The following MOXD1 variants were observed in gnomAD, a reference collection of about 807,000 sequenced individuals.
MOXD1 encodes DBH-like monooxygenase protein 1.
MOXD1 carries 62 observed loss-of-function variants against 66.6 expected under a neutral mutation model. The ratio of observed to expected loss-of-function variants is 0.93; its 90% CI spans 0.76 to 1.15. The LOEUF is 1.15. MOXD1 is among the 50% of genes most tolerant of loss of function. The pLI, the probability that MOXD1 is intolerant of heterozygous loss-of-function variation, is 0.00. For synonymous variants in MOXD1, 303 were observed against 281.9 expected, an observed-to-expected ratio of 1.07 and a Z score of -0.75; for missense variants, 847 against 754.6, an observed-to-expected ratio of 1.12 and a Z score of -1.44.
intron 10 of MOXD1, among the ~76,000 whole-genome samples, chr6:132,308,943 C>T (rs772802676): frequency 6.6e-6 from 1 of 152,112 alleles, no homozygotes; most frequent in Non-Finnish European, 1.5e-5. Flanking sequence ...GGAAGCATTC[C>T]CTTTGAAAAC....
At chr6:132,349,430 TATATACATATATATATATATAC>T (rs1775747425) in intron 4 of MOXD1, among the ~76,000 whole-genome samples, 2 of 72,132 alleles carry the variant, frequency 2.8e-5, no homozygotes, top group African/African-American at 2.2e-4. Flanking sequence ...TACATATATA[TATATACATATATATATATATAC>T]ATATATATAT....
intron 4 of MOXD1, among the ~76,000 whole-genome samples, chr6:132,335,646 A>T (rs572322461): frequency 1.4e-4 from 22 of 152,082 alleles, no homozygotes; most frequent in Middle Eastern, 6.8e-3. Context: ...TTGATTTCAG[A>T]CTCCTGATCT....
At chr6:132,316,635 G>A (rs1358590793) in intron 9 of MOXD1, among the ~76,000 whole-genome samples, 1 of 152,082 alleles carries the variant, frequency 6.6e-6, no homozygotes, top group Non-Finnish European at 1.5e-5. Flanking sequence ...TCAACAGCAA[G>A]TTTCAAATGA....
intron 10 of MOXD1, among the ~76,000 whole-genome samples, chr6:132,315,139 G>A (rs1774912756): frequency 6.6e-6 from 1 of 152,190 alleles, no homozygotes; most frequent in South Asian, 2.1e-4. Context: ...TTAGTAAGTG[G>A]TAGGCAGAGA....
At chr6:132,334,199 A>T (rs1775389754) in intron 4 of MOXD1, among the ~76,000 whole-genome samples, 1 of 152,206 alleles carries the variant, frequency 6.6e-6, no homozygotes, top group Non-Finnish European at 1.5e-5. Context: ...CCTTTCCATG[A>T]AGCCAACATC....
chr6:132,340,867 C>T (rs1486940683), intron 4 of MOXD1, among the ~76,000 whole-genome samples: 1 of 151,916 alleles, frequency 6.6e-6, no homozygotes, highest in Non-Finnish European at 1.5e-5. Context: ...AGAATGGTCT[C>T]GATCTCCTGA....
At chr6:132,344,293 C>T (rs1333180011) in intron 4 of MOXD1, among the ~76,000 whole-genome samples, 3 of 152,144 alleles carry the variant, frequency 2.0e-5, no homozygotes, top group Non-Finnish European at 4.4e-5. Flanking sequence ...CTGTATGAGT[C>T]TCTGTTTCCT....
At position 132,399,495 on chromosome 6, in the gene MOXD1, C is replaced by A. The variant is rs139042753; in HGVS notation, c.264+1668G>T. On this transcript the variant is annotated intron_variant, in intron 1 of 11. Transcript: ENST00000367963. ...GTCCTATGCAATCTCTATGAAGAAC[C>A]ACAAACAGGGTGAAAACACTGTAGT... is the stretch of plus-strand genomic sequence containing the variant. 3.2e-4 allele frequency among the ~76,000 whole-genome samples: 48 copies of A among 152,174 alleles called. 1 individual carries two copies. The highest frequency in any genetic ancestry group is 1.1e-3 in the African/African-American group (45 of 41,504).
At chr6:132,310,163 AC>A (rs1774794992) in intron 10 of MOXD1, among the ~76,000 whole-genome samples, 1 of 152,222 alleles carries the variant, frequency 6.6e-6, no homozygotes, top group African/African-American at 2.4e-5. Context: ...CAAGAAAAAA[AC>A]AATCCCATTA....
chr6:132,346,557 TATCCAAAGG>T (rs1775672711), intron 4 of MOXD1, among the ~76,000 whole-genome samples: 1 of 152,236 alleles, frequency 6.6e-6, no homozygotes, highest in Non-Finnish European at 1.5e-5. Context: ...TGTTGGTTTT[TATCCAAAGG>T]TCTAGAATTC....
In MOXD1 at chr6:132,302,594, G is replaced by A. The variant is rs149577792; in HGVS notation, c.1509-4639C>T. Among the ~76,000 whole-genome samples the A allele has an allele frequency of 2.7e-3, 418 of 152,218 alleles. 2 individuals are homozygous for A. The highest frequency in any genetic ancestry group is 9.7e-3 in the African/African-American group (405 of 41,542). On this transcript the variant is annotated intron_variant, in intron 10 of 11. Transcript: ENST00000367963. ...AGTGAAGAGGCATACCATGTTCATA[G>A]ATTAGAAGACTCAATATTGTTAAGG...
At chr6:132,300,196 T>C (rs1774501543) in intron 10 of MOXD1, among the ~76,000 whole-genome samples, 1 of 152,116 alleles carries the variant, frequency 6.6e-6, no homozygotes, top group Non-Finnish European at 1.5e-5. Context: ...GTAAGAGCAA[T>C]CAGCATTGCA....
At chr6:132,380,845 G>A (rs888277939) in intron 1 of MOXD1, among the ~76,000 whole-genome samples, 24 of 152,138 alleles carry the variant, frequency 1.6e-4, no homozygotes, top group Admixed American at 3.9e-4. Context: ...GTTTGGGTCT[G>A]CATGATCTGT....
At chr6:132,326,095 T>C (rs1775182193) in intron 6 of MOXD1, among the ~76,000 whole-genome samples, 2 of 152,196 alleles carry the variant, frequency 1.3e-5, no homozygotes. Flanking sequence ...TTTGTATAGT[T>C]AGGTTCATTA....
chr6:132,298,004 T>C, intron 10 of MOXD1, 49 bp from the exon 11 acceptor site: 3 of 1,501,880 alleles, frequency 2.0e-6, no homozygotes, highest in South Asian at 1.3e-5. Context: ...ATGCATTACA[T>C]GTTTCCTTTA....
At chr6:132,341,804 G>A (rs988410005) in intron 4 of MOXD1, among the ~76,000 whole-genome samples, 1 of 152,076 alleles carries the variant, frequency 6.6e-6, no homozygotes, top group African/African-American at 2.4e-5. Context: ...GTTTTCCCTG[G>A]ATGCTTATGT....
At chr6:132,356,533 G>A (rs1361392221) in intron 4 of MOXD1, among the ~76,000 whole-genome samples, 2 of 152,154 alleles carry the variant, frequency 1.3e-5, no homozygotes, top group Non-Finnish European at 2.9e-5. Context: ...GTATAGGAAT[G>A]AAACCACCAA....
At chr6:132,305,915 T>C (rs151027365) in intron 10 of MOXD1, among the ~76,000 whole-genome samples, 1 of 151,932 alleles carries the variant, frequency 6.6e-6, no homozygotes, top group African/African-American at 2.4e-5. Flanking sequence ...AAAGAATCAA[T>C]AAAAATATGC....
At chr6:132,355,586 G>C (rs7740690) in intron 4 of MOXD1, among the ~76,000 whole-genome samples, 42,458 of 151,954 alleles carry the variant, frequency 0.28, 7,601 homozygotes, top group African/African-American at 0.51. Context: ...TAGACTTCTA[G>C]AGAACAAGAT....
Sources: gnomAD v4.1 joint callset for allele counts (sites outside exome capture counted in the v4.1 genomes callset) on GRCh38, gnomAD v4.1.1 for gene constraint, MANE v1.5 for transcripts, NCBI Gene and HGNC (gene_info 2026-07-23, HGNC 2026-07-21) for gene names.